Variants in LTN1 observed in about 807,000 individuals in gnomAD.
The protein encoded by LTN1 is listerin E3 ubiquitin protein ligase 1.
LTN1 carries 88 observed loss-of-function variants against 201.2 expected under a neutral mutation model. The ratio of observed to expected loss-of-function variants is 0.44; its 90% confidence interval spans 0.37 to 0.52. The LOEUF (loss-of-function observed/expected upper bound fraction) is 0.52. Ranked by LOEUF, LTN1 falls within the 20% of genes least tolerant of loss-of-function variation. The pLI, the probability that LTN1 is intolerant of heterozygous loss-of-function variation, is 0.00. For missense variants in LTN1, 1,752 were observed against 2,038.7 expected, an observed-to-expected ratio of 0.86 and a Z score of 2.71; for synonymous variants, 645 against 713.5, an observed-to-expected ratio of 0.90 and a Z score of 1.53.
chr21:28,986,719 A>G lies in LTN1; in HGVS notation c.246+12T>C. ...TTTTCTTGATAATTTTTATGAAAACAAGAAAACTTGCTTTTAATTTTGTGG... is the reference window on the plus strand; with the variant it reads ...TTTTCTTGATAATTTTTATGAAAACGAGAAAACTTGCTTTTAATTTTGTGG... On this transcript the variant is annotated intron_variant, in intron 2 of 29. Transcript: ENST00000361371. This position sits in a 1 kb window ranked among gnomAD's most constrained non-coding sequence, Gnocchi z 4.1. 1 of 1,598,806 alleles carries G rather than the reference A, an allele frequency of 6.3e-7. No individual in the cohort carries two copies. Among genetic ancestry groups the G allele is most frequent in the South Asian group, 1.1e-5 (1 of 88,518 alleles).
chr21:28,943,195 C>T, intron 24 of LTN1, 67 bp downstream of exon 24: 1 of 937,356 alleles, frequency 1.1e-6, no homozygotes, highest in Non-Finnish European at 1.7e-6. Flanking sequence ...CTTCAGTCCT[C>T]TAAAGACATT....
chr21:28,956,627 T>C, intron 16 of LTN1, 135 bp downstream of exon 16: 1 of 514,454 alleles, frequency 1.9e-6, no homozygotes, highest in East Asian at 3.3e-5. Context: ...AACTTCAAGG[T>C]TCTCATCATT....
At chr21:28,985,418 C>T (rs2084690702) in intron 3 of LTN1, among the ~76,000 whole-genome samples, 2 of 151,166 alleles carry the variant, frequency 1.3e-5, no homozygotes, top group Non-Finnish European at 2.9e-5. Context: ...AGAGATCGCG[C>T]CACTGCACTC....
At position 28,944,396 on chromosome 21, in the gene LTN1, C is replaced by T. The variant is rs772206020; in HGVS notation, c.3969G>A (p.Leu1323=). The T allele has an allele frequency of 6.2e-7, 1 of 1,611,928 alleles. No individual in the cohort carries two copies. The highest frequency in any genetic ancestry group is 1.1e-5 in the South Asian group (1 of 91,012). The stretch of plus-strand genomic sequence containing the variant: ...TTTTTCACTTGCCTGTAACAGTCAC[C>T]AAAATAGGTAAAAGCAAACTGTGGA... ...QGIHSLLLPI[L]VTVTGENKDV... The change falls in exon 22 of 30, where the codon TTG becomes TTA. Residue 1323 remains leucine, a synonymous_variant. Coordinates refer to ENST00000361371, the MANE Select transcript of LTN1 (RefSeq NM_015565.3).
intron 1 of LTN1, among the ~76,000 whole-genome samples, chr21:28,989,843 T>C (rs572171221): frequency 6.6e-6 from 1 of 152,128 alleles, no homozygotes; most frequent in South Asian, 2.1e-4. Context: ...GGCAAAACCC[T>C]GTATCTATTA....
intron 6 of LTN1, among the ~76,000 whole-genome samples, chr21:28,973,058 A>AG (rs1459105912): frequency 2.0e-5 from 3 of 152,148 alleles, no homozygotes; most frequent in Non-Finnish European, 2.9e-5. Context: ...TTCAAGAATG[A>AG]GGATGAAGGC....
intron 13 of LTN1, 91 bp downstream of exon 13, chr21:28,959,367 T>C (rs1475933752): frequency 3.5e-6 from 5 of 1,444,114 alleles, no homozygotes; most frequent in Non-Finnish European, 4.7e-6. Context: ...AAACACATTA[T>C]AATTCAATTA....
intron 17 of LTN1, 23 bp from the exon 18 acceptor site, chr21:28,952,287 T>A: frequency 2.9e-6 from 4 of 1,384,928 alleles, no homozygotes; most frequent in Non-Finnish European, 4.0e-6. Flanking sequence ...AGAAAAAAAT[T>A]ATATTCCGTT....
intron 11 of LTN1, among the ~76,000 whole-genome samples, chr21:28,965,073 G>A (rs1000136079): frequency 4.6e-5 from 7 of 152,146 alleles, no homozygotes; most frequent in African/African-American, 1.4e-4. Flanking sequence ...ACTGCACAAC[G>A]ATGTAAATAT....
At chr21:28,977,664 A>G (rs2084626873) in intron 6 of LTN1, among the ~76,000 whole-genome samples, 1 of 152,192 alleles carries the variant, frequency 6.6e-6, no homozygotes, top group Non-Finnish European at 1.5e-5. Flanking sequence ...TGGAGGTTGC[A>G]GTGAGTTGAG....
chr21:28,939,864 A>G (rs1231877279), intron 25 of LTN1, among the ~76,000 whole-genome samples: 1 of 152,238 alleles, frequency 6.6e-6, no homozygotes, highest in East Asian at 1.9e-4. Context: ...AACTAGCTTA[A>G]GTCACAAAAA....
intron 28 of LTN1, among the ~76,000 whole-genome samples, 189 bp from the exon 29 acceptor site, chr21:28,931,511 A>AT (rs1291982319): frequency 2.0e-5 from 3 of 152,084 alleles, no homozygotes; most frequent in African/African-American, 7.2e-5. Context: ...ACCAGATGTA[A>AT]TTTTTCTCCA....
At chr21:28,935,744 G>GC (rs974819109) in intron 26 of LTN1, among the ~76,000 whole-genome samples, 1 of 151,602 alleles carries the variant, frequency 6.6e-6, no homozygotes, top group Admixed American at 6.6e-5. Context: ...GGAGGCTGAG[G>GC]CAGGAGAATG....
intron 16 of LTN1, among the ~76,000 whole-genome samples, chr21:28,954,930 T>C (rs8134815): frequency 0.22 from 32,805 of 151,980 alleles, 3,888 homozygotes; most frequent in South Asian, 0.27. Flanking sequence ...AACAGGCAAA[T>C]AGGACTATGT....
At chr21:28,985,054 T>G in intron 3 of LTN1, 132 bp from the exon 4 acceptor site, 1 of 589,680 alleles carries the variant, frequency 1.7e-6, no homozygotes, top group Non-Finnish European at 2.9e-6. Flanking sequence ...ATCATTTTTT[T>G]TAAATCAATA....
At position 28,953,283 on chromosome 21, in the gene LTN1, T is replaced by C. The variant is rs749379009; in HGVS notation, c.3173A>G (p.Asn1058Ser). ...TACACGTAAGTTATCATACGTAATATTCATTTTTTGAAGTATTTCACAAAA... is the reference window on the plus strand; with the variant it reads ...TACACGTAAGTTATCATACGTAATACTCATTTTTTGAAGTATTTCACAAAA... ...IGFCEILQKM[N>S]ITYDNLRVLG... The change falls in exon 17 of 30, where the codon AAT becomes AGT. Residue 1058 changes from asparagine to serine, a missense_variant. By Grantham distance (46) the Asn-to-Ser change is conservative. This residue lies in a region of LTN1 where 1,211 missense variants were observed against 1,312.8 expected (regional missense o/e 0.92). Transcript: ENST00000361371. 3.9e-5 allele frequency: 63 copies of C among 1,608,246 alleles called. No homozygotes were observed. The highest frequency in any genetic ancestry group is 5.3e-5 in the Non-Finnish European group (62 of 1,178,294).
intron 6 of LTN1, among the ~76,000 whole-genome samples, chr21:28,979,880 G>A (rs2084645164): frequency 6.6e-6 from 1 of 152,114 alleles, no homozygotes; most frequent in Admixed American, 6.5e-5. Context: ...GCTGAGGCAG[G>A]AGAATCACTC....
intron 4 of LTN1, 81 bp from the exon 5 acceptor site, chr21:28,982,449 C>A (rs2084666607): frequency 9.4e-7 from 1 of 1,062,472 alleles, no homozygotes; most frequent in South Asian, 1.3e-5. Context: ...TAAATAAAAT[C>A]CACTTTTTAA....
intron 1 of LTN1, among the ~76,000 whole-genome samples, chr21:28,987,802 T>C (rs921307028): frequency 6.6e-6 from 1 of 152,246 alleles, no homozygotes; most frequent in African/African-American, 2.4e-5. Flanking sequence ...CTATTTCTTA[T>C]TTCTCTATAA....
Sources: gnomAD v4.1 joint callset for allele counts (sites outside exome capture counted in the v4.1 genomes callset) on GRCh38, gnomAD v4.1.1 for gene constraint, gnomAD v4.1.1 regional missense constraint, Gnocchi (gnomAD v3.1) non-coding constraint, MANE v1.5 for transcripts, NCBI Gene and HGNC (gene_info 2026-07-23, HGNC 2026-07-21) for gene names.